GPC5: variants seen among roughly 807,000 people sequenced by gnomAD.
GPC5 encodes glypican 5, also known as glypican-5.
In GPC5, 47 loss-of-function variants were observed where a neutral mutation model predicts 53.9. The ratio of observed to expected loss-of-function variants is 0.87; its 90% CI spans 0.69 to 1.11. The LOEUF is 1.11. Among genes scored for constraint, GPC5 ranks in the 50% most tolerant of loss-of-function variants. GPC5 has a pLI of 0.00. For missense variants in GPC5, 748 were observed against 713.1 expected (o/e 1.05, Z -0.56); for synonymous variants, 286 against 263.3 (o/e 1.09, Z -0.84).
At chr13:91,608,721 TTAAA>T (rs2033452217) in intron 2 of GPC5, among the ~76,000 whole-genome samples, 1 of 152,084 alleles carries the variant, frequency 6.6e-6, no homozygotes, top group African/African-American at 2.4e-5. Context: ...AATGTTATAA[TTAAA>T]TAGATATGAG....
intron 7 of GPC5, among the ~76,000 whole-genome samples, chr13:92,816,123 A>G (rs969220114): frequency 1.3e-5 from 2 of 152,072 alleles, no homozygotes; most frequent in Admixed American, 1.3e-4. Context: ...CAAAGACTAG[A>G]TTCTGAAATG....
At chr13:91,433,515 G>A (rs368784685) in intron 1 of GPC5, among the ~76,000 whole-genome samples, 19 of 151,994 alleles carry the variant, frequency 1.3e-4, no homozygotes, top group East Asian at 7.7e-4. Flanking sequence ...CCATGTCCCT[G>A]CAAAGGACAT....
At chr13:92,657,586 T>G (rs1430621962) in intron 7 of GPC5, among the ~76,000 whole-genome samples, 4 of 90,676 alleles carry the variant, frequency 4.4e-5, no homozygotes, top group East Asian at 2.2e-4. Context: ...TTGGTTTTTT[T>G]TTTTTTTTTT....
At chr13:91,565,505 G>C (rs1224342821) in intron 2 of GPC5, among the ~76,000 whole-genome samples, 1 of 152,138 alleles carries the variant, frequency 6.6e-6, no homozygotes, top group Non-Finnish European at 1.5e-5. Flanking sequence ...AATAAGTAAG[G>C]GAGCAGTTTG....
intron 5 of GPC5, among the ~76,000 whole-genome samples, chr13:91,820,648 A>G (rs913890881): frequency 2.0e-5 from 3 of 152,198 alleles, no homozygotes; most frequent in Non-Finnish European, 4.4e-5. Flanking sequence ...CTGCATGTTT[A>G]GTTGAGCTTT....
At chr13:92,640,707 T>G (rs11841234) in intron 7 of GPC5, among the ~76,000 whole-genome samples, 2,282 of 152,070 alleles carry the variant, frequency 0.015, 59 homozygotes, top group African/African-American at 0.051. Context: ...AAGAAAACAA[T>G]GGGGACATGC....
chr13:91,989,827 T>A (rs925065139), intron 6 of GPC5, among the ~76,000 whole-genome samples: 1 of 134,908 alleles, frequency 7.4e-6, no homozygotes, highest in Non-Finnish European at 1.6e-5. Context: ...TAAAATAAAA[T>A]TTGTATACAT....
At chr13:91,440,793 C>T (rs1219796450) in intron 1 of GPC5, among the ~76,000 whole-genome samples, 1 of 152,188 alleles carries the variant, frequency 6.6e-6, no homozygotes, top group Non-Finnish European at 1.5e-5. Context: ...TCTTGGGCAA[C>T]AACTATAATT....
intron 2 of GPC5, among the ~76,000 whole-genome samples, chr13:91,592,103 A>T (rs1404433766): frequency 2.0e-5 from 3 of 152,168 alleles, no homozygotes. Flanking sequence ...ATCATAGTCC[A>T]TTGGCTTCAT....
chr13:91,410,409 G>T (rs983779832), intron 1 of GPC5, among the ~76,000 whole-genome samples: 1 of 131,914 alleles, frequency 7.6e-6, no homozygotes, highest in African/African-American at 2.9e-5. Flanking sequence ...GCAGTGGCAC[G>T]ATCTTGGCTC....
chr13:92,085,391 T>C (rs138918168), intron 6 of GPC5, among the ~76,000 whole-genome samples: 2,065 of 152,258 alleles, frequency 0.014, 50 homozygotes, highest in African/African-American at 0.048. Flanking sequence ...TTACCAAAAA[T>C]ATATTGTGAA....
At chr13:92,118,382 C>T (rs775924644) in intron 6 of GPC5, among the ~76,000 whole-genome samples, 26 of 151,992 alleles carry the variant, frequency 1.7e-4, no homozygotes, top group Middle Eastern at 6.8e-3. Context: ...AAAGGGATAT[C>T]GGTTTATACT....
intron 6 of GPC5, among the ~76,000 whole-genome samples, chr13:92,106,710 G>A (rs1051524220): frequency 2.0e-5 from 3 of 152,054 alleles, no homozygotes; most frequent in Admixed American, 6.6e-5. Context: ...TAATTTTCAT[G>A]AGTTGTAGCA....
chr13:91,766,210 A>G (rs913713316), intron 5 of GPC5, among the ~76,000 whole-genome samples: 1 of 152,248 alleles, frequency 6.6e-6, no homozygotes, highest in Admixed American at 6.5e-5. Flanking sequence ...TTTAATCAGC[A>G]GACTTGGAAG....
chr13:92,501,587 A>G (rs758306829), intron 7 of GPC5, among the ~76,000 whole-genome samples: 4 of 152,132 alleles, frequency 2.6e-5, no homozygotes, highest in African/African-American at 7.2e-5. Context: ...CTGCAGATTC[A>G]AAACACTCAT....
intron 4 of GPC5, among the ~76,000 whole-genome samples, chr13:91,730,083 A>G (rs188668269): frequency 1.4e-3 from 210 of 152,316 alleles, no homozygotes; most frequent in African/African-American, 4.6e-3. Flanking sequence ...ATCAGCATAG[A>G]TCCAACACAT....
rs570155293 is a variant in GPC5 at position 92,011,101 on chromosome 13, A to G, written c.1401+103044A>G. ...TCAATAGATGTAAATATAACTCTAT[A>G]TGTGTAGATAACTATATAGATAAGG... On this transcript the variant is annotated intron_variant, in intron 6 of 7. Coordinates refer to ENST00000377067, the MANE Select transcript of GPC5 (RefSeq NM_004466.6). 9.0e-4 allele frequency among the ~76,000 whole-genome samples: 137 copies of G among 152,324 alleles called. 1 individual carries two copies. In the Middle Eastern group the frequency reaches 0.034, roughly 38 times the overall value.
chr13:91,532,785 G>A (rs1285444089), intron 2 of GPC5, among the ~76,000 whole-genome samples: 1 of 152,078 alleles, frequency 6.6e-6, no homozygotes, highest in Non-Finnish European at 1.5e-5. Context: ...AGGATCACTT[G>A]AGCTTGGGGG....
rs367915847 is a variant in GPC5, at chr13:92,654,063, T to C, written c.1562-212219T>C. On this transcript the variant is annotated intron_variant, in intron 7 of 7. Coordinates refer to ENST00000377067, the MANE Select transcript of GPC5 (RefSeq NM_004466.6). ...TTGCACAGAGTCAGTACTAAATAGATATTTGTTGAATGTTTCGGTCCATTC... is the reference window on the plus strand; with the variant it reads ...TTGCACAGAGTCAGTACTAAATAGACATTTGTTGAATGTTTCGGTCCATTC... Among the ~76,000 whole-genome samples, 9 of 152,360 alleles carry C rather than the reference T, an allele frequency of 5.9e-5. No homozygotes were observed. The South Asian group carries it at 1.2e-3, about 21-fold the overall frequency.
Sources: gnomAD v4.1 joint callset for allele counts (sites outside exome capture counted in the v4.1 genomes callset) on GRCh38, gnomAD v4.1.1 for gene constraint, MANE v1.5 for transcripts, NCBI Gene and HGNC (gene_info 2026-07-23, HGNC 2026-07-21) for gene names.